The following MARK1 variants were observed in gnomAD, a reference collection of about 807,000 sequenced individuals.
MARK1 encodes the protein serine/threonine-protein kinase MARK1.
In MARK1, 40 loss-of-function variants were observed where a neutral mutation model predicts 96.3. That is an observed-to-expected ratio of 0.42 (90% CI 0.32 to 0.54). The LOEUF is 0.54. MARK1 is among the 20% of genes least tolerant of loss of function. The probability of loss-of-function intolerance (pLI) is 0.16; values close to 1 mark genes in which losing one functional copy is unlikely to be tolerated. For synonymous variants in MARK1, 317 were observed against 341.2 expected (o/e 0.93, Z 0.78); for missense variants, 719 against 984.6 (o/e 0.73, Z 3.61).
chr1:220,656,474 G>T (rs947581713), intron 16 of MARK1, among the ~76,000 whole-genome samples: 1 of 152,162 alleles, frequency 6.6e-6, no homozygotes, highest in Non-Finnish European at 1.5e-5. Flanking sequence ...TGAGATTTTT[G>T]TCCCTTCCTA....
intron 5 of MARK1, among the ~76,000 whole-genome samples, chr1:220,601,926 C>T (rs1215198052): frequency 6.6e-6 from 1 of 152,142 alleles, no homozygotes; most frequent in African/African-American, 2.4e-5. Context: ...ATCCTGATTC[C>T]TGCGATAGGT....
Position 220,654,595 on chromosome 1 carries a change from A to G in MARK1, c.1988+1243A>G, listed in dbSNP as rs1330414217. The stretch of plus-strand genomic sequence containing the variant: ...TAGAGAAAGAACTAAAAGTTCACCA[A>G]CAGAGTCAGCATGGAAGTTAGATCA... On this transcript the variant is annotated intron_variant, in intron 16 of 17. Coordinates refer to ENST00000366917, the MANE Select transcript of MARK1 (RefSeq NM_018650.5). The surrounding 1 kb of genome is among the most constrained non-coding windows in gnomAD (Gnocchi z 4.0). Among the ~76,000 whole-genome samples the G allele has an allele frequency of 6.6e-6, 1 of 152,218 alleles. No individual in the cohort carries two copies.
intron 16 of MARK1, among the ~76,000 whole-genome samples, chr1:220,655,469 C>G (rs1269664959): frequency 6.6e-6 from 1 of 152,156 alleles, no homozygotes; most frequent in Non-Finnish European, 1.5e-5. Context: ...CCTGTCCCTC[C>G]CTCATTCTTC....
chr1:220,545,133 G>A (rs1661393455), intron 1 of MARK1, among the ~76,000 whole-genome samples: 1 of 152,218 alleles, frequency 6.6e-6, no homozygotes, highest in South Asian at 2.1e-4. Flanking sequence ...TGGCTCTGTG[G>A]AAAGTTGAGT....
At chr1:220,586,001 A>ACGCGCG (rs1284267502) in intron 3 of MARK1, among the ~76,000 whole-genome samples, 7 of 34,672 alleles carry the variant, frequency 2.0e-4, no homozygotes, top group African/African-American at 3.5e-4. Context: ...ACACACACAC[A>ACGCGCG]CACACACACA....
At chr1:220,576,997 G>A (rs113332300) in intron 1 of MARK1, among the ~76,000 whole-genome samples, 1,950 of 152,266 alleles carry the variant, frequency 0.013, 27 homozygotes, top group South Asian at 0.023. Flanking sequence ...GGTGGCTTAT[G>A]CCTATATCTC....
At chr1:220,626,002 A>G in intron 9 of MARK1, 1 of 548,350 alleles carries the variant, frequency 1.8e-6, no homozygotes, top group Non-Finnish European at 3.6e-6. Context: ...GAGCACAGCA[A>G]GCAGATGCAG....
chr1:220,617,311 T>TA (rs545700910), intron 7 of MARK1, among the ~76,000 whole-genome samples: 1 of 152,062 alleles, frequency 6.6e-6, no homozygotes, highest in Non-Finnish European at 1.5e-5. Context: ...TAGTATACCA[T>TA]AAAAAAGAAG....
Position 220,662,282 on chromosome 1 carries a change from C to T in MARK1, c.*116C>T. 2.7e-6 allele frequency: 2 copies of T among 728,054 alleles called. No homozygotes were observed. Among genetic ancestry groups the T allele is most frequent in the Non-Finnish European group, 2.2e-6 (1 of 449,340 alleles). 45.1% of individuals were successfully genotyped at this position (728,054 alleles called of 1,614,324 possible). A position where few individuals can be genotyped will look rare whatever the true frequency, so the allele number is the denominator to read the frequency against. On this transcript the variant is annotated 3_prime_UTR_variant, in exon 18 of 18. Transcript: ENST00000366917. Reference sequence around the variant, plus strand: ...GTGAATCTCCCCATGTAGAATTTGCCCTTAATGCAATAAGGTTATACATAG... The same window carrying T: ...GTGAATCTCCCCATGTAGAATTTGCTCTTAATGCAATAAGGTTATACATAG...
At chr1:220,594,713 G>A (rs192700483) in intron 3 of MARK1, among the ~76,000 whole-genome samples, 79 of 152,214 alleles carry the variant, frequency 5.2e-4, no homozygotes, top group African/African-American at 1.7e-3. Flanking sequence ...GAGCTATCAA[G>A]CTACGAAAAA....
intron 13 of MARK1, among the ~76,000 whole-genome samples, chr1:220,639,338 TA>T (rs1411289320): frequency 6.6e-6 from 1 of 152,234 alleles, no homozygotes; most frequent in Non-Finnish European, 1.5e-5. Context: ...TTTACTTTTT[TA>T]TAAAAATGAG....
Position 220,654,793 on chromosome 1 carries a change from T to C in MARK1, c.1988+1441T>C, listed in dbSNP as rs1223244618. ...TAGTTTAGTGCTTGATTACTAATTGTGCATTAAGCATTGTGCAAAATATTT... is the reference window on the plus strand; with the variant it reads ...TAGTTTAGTGCTTGATTACTAATTGCGCATTAAGCATTGTGCAAAATATTT... On this transcript the variant is annotated intron_variant, in intron 16 of 17. Transcript: ENST00000366917. The surrounding 1 kb of genome is among the most constrained non-coding windows in gnomAD (Gnocchi z 4.0). Among the ~76,000 whole-genome samples the C allele has an allele frequency of 6.6e-6, 1 of 152,236 alleles. No homozygotes were observed. Among genetic ancestry groups the C allele is most frequent in the Non-Finnish European group, 1.5e-5 (1 of 68,046 alleles).
chr1:220,561,443 A>G (rs1391772295), intron 1 of MARK1, among the ~76,000 whole-genome samples: 1 of 152,098 alleles, frequency 6.6e-6, no homozygotes, highest in East Asian at 1.9e-4. Context: ...TTCTTCTTCC[A>G]GTGTGACCCA....
At position 220,579,435 on chromosome 1, in the gene MARK1, A is replaced by C. The variant is rs758609079; in HGVS notation, c.133A>C (p.Asn45His). Residue 45 changes from asparagine (N) to histidine (H), a missense_variant, in exon 2 of 18, where the codon AAC becomes CAC. Around this residue, in one of 4 missense-constraint regions of MARK1, gnomAD observed 105 missense variants for 133.4 expected, o/e 0.79. Transcript: ENST00000366917. The stretch of plus-strand genomic sequence containing the variant: ...CAGACAGAACATCCCCCGGTGTAGA[A>C]ACTCCATTACGTCAGCAACAGATGA... Reference protein sequence around the residue: ...SSRQNIPRCRNSITSATDEQP... With the variant: ...SSRQNIPRCRHSITSATDEQP... 1.2e-6 allele frequency: 2 copies of C among 1,613,954 alleles called. No homozygotes were observed. Among genetic ancestry groups the C allele is most frequent in the Admixed American group, 1.7e-5 (1 of 59,988 alleles).
chr1:220,603,096 G>GT (rs1665849014), intron 5 of MARK1, among the ~76,000 whole-genome samples: 1 of 151,710 alleles, frequency 6.6e-6, no homozygotes. Context: ...GAGTTTTTTT[G>GT]TTTTTACCAC....
rs768434835 is a variant in MARK1, at chr1:220,598,382, A to T, written c.358+3A>T. ...GATACTGAATCATCCTAATATAGGT[A>T]TGAAATATATATATATTATATATAT... is the stretch of plus-strand genomic sequence containing the variant. On this transcript the variant is annotated splice_donor_region_variant and intron_variant, in intron 4 of 17. Coordinates refer to ENST00000366917, the MANE Select transcript of MARK1 (RefSeq NM_018650.5). 5.2e-6 allele frequency: 2 copies of T among 381,890 alleles called. No individual in the cohort carries two copies. Among genetic ancestry groups the T allele is most frequent in the Admixed American group, 7.3e-5 (2 of 27,480 alleles). The allele number at this position is 381,890 out of a possible 1,614,324, so 23.7% of individuals were successfully genotyped here.
At position 220,528,882 on chromosome 1, in the gene MARK1, C is replaced by A. The variant is rs1204334794; in HGVS notation, c.51+9C>A. 1 of 1,564,512 alleles carries A rather than the reference C, an allele frequency of 6.4e-7. No individual in the cohort carries two copies. The highest frequency in any genetic ancestry group is 2.4e-5 in the East Asian group (1 of 41,566). On this transcript the variant is annotated intron_variant, in intron 1 of 17. Coordinates refer to ENST00000366917, the MANE Select transcript of MARK1 (RefSeq NM_018650.5). ...AGCGGGACACGGAAAATGTGAGTAA[C>A]CGGAGCCTCCCTCGGGAGCAGTGGG...
intron 16 of MARK1, among the ~76,000 whole-genome samples, chr1:220,656,292 C>T (rs1037889311): frequency 2.6e-5 from 4 of 152,142 alleles, no homozygotes; most frequent in African/African-American, 9.7e-5. Context: ...CTACTGGCAT[C>T]CAGGTAGGCA....
chr1:220,536,530 A>C (rs1361653593), intron 1 of MARK1, among the ~76,000 whole-genome samples: 1 of 151,772 alleles, frequency 6.6e-6, no homozygotes. Context: ...AGAGTGGGTG[A>C]ACTAGCATTT....
Sources: gnomAD v4.1 joint callset for allele counts (sites outside exome capture counted in the v4.1 genomes callset) on GRCh38, gnomAD v4.1.1 for gene constraint, gnomAD v4.1.1 regional missense constraint, Gnocchi (gnomAD v3.1) non-coding constraint, MANE v1.5 for transcripts, NCBI Gene and HGNC (gene_info 2026-07-23, HGNC 2026-07-21) for gene names.